CNTNAP2: variants seen among roughly 807,000 people sequenced by gnomAD.
CNTNAP2 encodes contactin associated protein 2, also known as contactin-associated protein-like 2.
A neutral mutation model predicts 155.2 loss-of-function variants in CNTNAP2; 98 were observed. That is an observed-to-expected ratio of 0.63 (90% CI 0.54 to 0.75). The LOEUF is 0.75. Among genes scored for constraint, CNTNAP2 ranks in the 30% least tolerant of loss-of-function variants. CNTNAP2 has a pLI of 0.00. For synonymous variants in CNTNAP2, 651 were observed against 631.2 expected, an observed-to-expected ratio of 1.03 and a Z score of -0.47; for missense variants, 1,727 against 1,688.1, an observed-to-expected ratio of 1.02 and a Z score of -0.40.
At chr7:146,583,918 T>G (rs1377691337) in intron 1 of CNTNAP2, among the ~76,000 whole-genome samples, 1 of 152,156 alleles carries the variant, frequency 6.6e-6, no homozygotes, top group Non-Finnish European at 1.5e-5. Flanking sequence ...GATTTGGGAT[T>G]GAGTTCCTTT....
At chr7:146,198,265 G>A (rs192201985) in intron 1 of CNTNAP2, among the ~76,000 whole-genome samples, 31 of 152,250 alleles carry the variant, frequency 2.0e-4, no homozygotes, top group African/African-American at 7.2e-4. Flanking sequence ...TAGGGAAAGT[G>A]ATATATTCTC....
chr7:146,997,174 T>G (rs1310079869), intron 3 of CNTNAP2, among the ~76,000 whole-genome samples: 1 of 152,158 alleles, frequency 6.6e-6, no homozygotes, highest in Non-Finnish European at 1.5e-5. Flanking sequence ...GGGGAAAAGA[T>G]TTCATCTTTC....
chr7:146,822,716 TA>T (rs1803312962), intron 2 of CNTNAP2, among the ~76,000 whole-genome samples: 1 of 144,048 alleles, frequency 6.9e-6, no homozygotes, highest in South Asian at 2.2e-4. Context: ...AGTATACACT[TA>T]AATATATATA....
At chr7:147,138,802 A>G (rs1801540647) in intron 8 of CNTNAP2, among the ~76,000 whole-genome samples, 1 of 152,006 alleles carries the variant, frequency 6.6e-6, no homozygotes, top group East Asian at 1.9e-4. Context: ...TGCCTTTTTC[A>G]GGGAAGATGA....
chr7:146,494,051 A>T (rs1797177075), intron 1 of CNTNAP2, among the ~76,000 whole-genome samples: 2 of 152,172 alleles, frequency 1.3e-5, no homozygotes, highest in Admixed American at 1.3e-4. Flanking sequence ...ATAAAAATGC[A>T]GGCCGGAAAC....
intron 1 of CNTNAP2, among the ~76,000 whole-genome samples, chr7:146,497,856 A>G (rs1797242273): frequency 6.7e-6 from 1 of 148,518 alleles, no homozygotes; most frequent in Admixed American, 6.8e-5. Flanking sequence ...GTAATCATAT[A>G]TATGGTTTAT....
chr7:147,511,271 C>T (rs1799015677), intron 11 of CNTNAP2, among the ~76,000 whole-genome samples: 1 of 152,054 alleles, frequency 6.6e-6, no homozygotes, highest in Non-Finnish European at 1.5e-5. Context: ...CTTTCACACT[C>T]TTTGAGCCCC....
chr7:146,465,543 C>T (rs1000984130), intron 1 of CNTNAP2, among the ~76,000 whole-genome samples: 1 of 152,076 alleles, frequency 6.6e-6, no homozygotes, highest in African/African-American at 2.4e-5. Flanking sequence ...GTGGGCTGTT[C>T]CCTAGTCTGT....
intron 2 of CNTNAP2, among the ~76,000 whole-genome samples, chr7:146,795,717 A>C (rs1307583675): frequency 6.6e-6 from 1 of 152,192 alleles, no homozygotes; most frequent in Non-Finnish European, 1.5e-5. Context: ...CCGCAGACAA[A>C]ATCTTATGGA....
intron 15 of CNTNAP2, among the ~76,000 whole-genome samples, chr7:147,986,462 A>G (rs1279530109): frequency 6.6e-6 from 1 of 152,190 alleles, no homozygotes; most frequent in African/African-American, 2.4e-5. Context: ...GTATAGCTCA[A>G]AACAAGACCA....
chr7:146,620,646 C>T (rs948311128), intron 1 of CNTNAP2, among the ~76,000 whole-genome samples: 2 of 152,060 alleles, frequency 1.3e-5, no homozygotes, highest in East Asian at 1.9e-4. Context: ...TTATATCCCA[C>T]ATGTATTATG....
chr7:147,175,125 C>A (rs1802311966), intron 8 of CNTNAP2, among the ~76,000 whole-genome samples: 1 of 151,848 alleles, frequency 6.6e-6, no homozygotes. Flanking sequence ...AACAGCTGAA[C>A]TTCATTAGCC....
chr7:147,461,177 G>C (rs1798016987), intron 10 of CNTNAP2, among the ~76,000 whole-genome samples: 1 of 152,044 alleles, frequency 6.6e-6, no homozygotes, highest in South Asian at 2.1e-4. Flanking sequence ...AAAAACAATA[G>C]ACACTAACAT....
At chr7:146,714,080 C>A (rs1263767010) in intron 1 of CNTNAP2, among the ~76,000 whole-genome samples, 2 of 152,118 alleles carry the variant, frequency 1.3e-5, no homozygotes, top group Admixed American at 1.3e-4. Context: ...CTGGAGTGCA[C>A]TTCTCTGCCT....
At chr7:147,593,168 A>G (rs1351537764) in intron 12 of CNTNAP2, among the ~76,000 whole-genome samples, 1 of 151,940 alleles carries the variant, frequency 6.6e-6, no homozygotes, top group East Asian at 1.9e-4. Flanking sequence ...AATTGTAGGG[A>G]AAGAATAAAA....
chr7:147,528,352 A>G (rs1415258200), intron 11 of CNTNAP2, among the ~76,000 whole-genome samples: 2 of 152,152 alleles, frequency 1.3e-5, no homozygotes, highest in African/African-American at 4.8e-5. Flanking sequence ...TGCGAAGGCC[A>G]CATTGGTTGG....
chr7:146,641,069 A>G (rs544128098), intron 1 of CNTNAP2, among the ~76,000 whole-genome samples: 18 of 152,254 alleles, frequency 1.2e-4, no homozygotes, highest in Middle Eastern at 3.4e-3. Flanking sequence ...GCTCGTGCCT[A>G]TAATCCCAGC....
chr7:147,087,337 A>G (rs755541252), intron 4 of CNTNAP2, among the ~76,000 whole-genome samples: 1 of 152,182 alleles, frequency 6.6e-6, no homozygotes, highest in East Asian at 1.9e-4. Context: ...CTGAAAAAAG[A>G]GGACACCGAA....
intron 13 of CNTNAP2, among the ~76,000 whole-genome samples, chr7:147,902,339 A>G (rs894305803): frequency 2.0e-5 from 3 of 152,218 alleles, no homozygotes; most frequent in Admixed American, 2.0e-4. Context: ...ATTGTGATAT[A>G]TACTTTTGAA....
Sources: allele counts gnomAD v4.1 joint callset (sites outside exome capture counted in the v4.1 genomes callset), GRCh38; gene constraint gnomAD v4.1.1; transcripts MANE v1.5; gene names NCBI Gene and HGNC (gene_info 2026-07-23, HGNC 2026-07-21).